The following LRP5 variants were observed in gnomAD, a reference collection of about 807,000 sequenced individuals.
The protein encoded by LRP5 is LDL receptor related protein 5.
A neutral mutation model predicts 154.1 loss-of-function variants in LRP5; 62 were observed. That is an observed-to-expected ratio of 0.40 (90% confidence interval 0.33 to 0.50). LRP5 has a LOEUF of 0.50. Ranked by LOEUF, LRP5 falls within the 20% of genes least tolerant of loss-of-function variation. The pLI, the probability that LRP5 is intolerant of heterozygous loss-of-function variation, is 0.55. For missense variants in LRP5, 1,915 were observed against 2,336.7 expected, an observed-to-expected ratio of 0.82 and a Z score of 3.72; for synonymous variants, 966 against 1,011.5, an observed-to-expected ratio of 0.96 and a Z score of 0.85.
At position 68,403,996 on chromosome 11, in the gene LRP5, G is replaced by A. The variant is rs115928312; in HGVS notation, c.1801+297G>A. ...GAGCCTTCGTGCCCACAGTGACCCC[G>A]TCTGCAAATGTAGTTCCTTGCCCTA... On this transcript the variant is annotated intron_variant, in intron 8 of 22. Transcript: ENST00000294304. 4.4e-3 allele frequency: 2,262 copies of A among 512,678 alleles called. 45 individuals carry two copies. The highest frequency in any genetic ancestry group is 0.039 in the African/African-American group (2,050 of 52,480). 31.8% of individuals were successfully genotyped at this position (512,678 alleles called of 1,614,324 possible). A position where few individuals can be genotyped will look rare whatever the true frequency, so the allele number is the denominator to read the frequency against.
At chr11:68,309,696 T>C (rs777472119), upstream of LRP5, among the ~76,000 whole-genome samples, 36 of 152,136 alleles carry the variant, frequency 2.4e-4, no homozygotes, top group Non-Finnish European at 4.6e-4. Context: ...GAAACCTGAC[T>C]TGAACTTTGG....
upstream of LRP5, among the ~76,000 whole-genome samples, chr11:68,308,335 C>T (rs1057029988): frequency 1.3e-5 from 2 of 152,194 alleles, no homozygotes; most frequent in African/African-American, 4.8e-5. Context: ...GGCACTTTGC[C>T]CAAGTGTCAC....
intron 18 of LRP5, among the ~76,000 whole-genome samples, chr11:68,435,375 G>A (rs918610494): frequency 2.6e-5 from 4 of 152,230 alleles, no homozygotes; most frequent in Non-Finnish European, 5.9e-5. Flanking sequence ...GGCAGCACCA[G>A]TATGGCACCC....
At chr11:68,403,782 GTGT>G in intron 8 of LRP5, 83 bp downstream of exon 8, 2 of 1,550,094 alleles carry the variant, frequency 1.3e-6, no homozygotes, top group Non-Finnish European at 1.8e-6. Context: ...CTGGGCATAA[GTGT>G]TGAGCTCAGG....
chr11:68,347,848 C>G lies in LRP5; in HGVS notation c.93C>G (p.Ala31=). Residue 31 remains alanine, a splice_region_variant and synonymous_variant, in exon 2 of 23, where the codon GCC becomes GCG. Transcript: ENST00000294304. The part of the protein sequence containing the change: ...ALCGCPAPAA[A]SPLLLFANRR... Reference sequence around the variant, plus strand: ...TCACGGTTTGCTTCTGCCCCACAGCCTCGCCGCTCCTGCTATTTGCCAACC... The same window carrying G: ...TCACGGTTTGCTTCTGCCCCACAGCGTCGCCGCTCCTGCTATTTGCCAACC... The G allele has an allele frequency of 1.2e-6, 2 of 1,613,224 alleles. No individual in the cohort carries two copies. Among genetic ancestry groups the G allele is most frequent in the South Asian group, 2.2e-5 (2 of 91,084 alleles).
At chr11:68,326,607 A>G (rs1017388463) in intron 1 of LRP5, among the ~76,000 whole-genome samples, 1 of 152,216 alleles carries the variant, frequency 6.6e-6, no homozygotes, top group Non-Finnish European at 1.5e-5. Flanking sequence ...TGTGCTCTCC[A>G]GTCTGTGGGC....
intron 5 of LRP5, among the ~76,000 whole-genome samples, chr11:68,370,194 C>T (rs963583874): frequency 2.0e-5 from 3 of 152,150 alleles, no homozygotes; most frequent in Admixed American, 1.3e-4. Context: ...TGCTGGCTCC[C>T]AGGGTTCTAA....
rs1206938449 is a variant in LRP5 at position 68,446,471 on chromosome 11, C to T, written c.4524C>T (p.Pro1508=). The change falls in exon 22 of 23, where the codon CCC becomes CCT. Residue 1508 remains proline, a synonymous_variant. Coordinates refer to ENST00000294304, the MANE Select transcript of LRP5 (RefSeq NM_002335.4). ...CGCCGCCCTCCCCGGCCACGGACCC[C>T]TCCCTGTACAACATGGACATGTTCT... ...LNPPPSPATD[P]SLYNMDMFYS... 32 of 1,614,190 alleles carry T rather than the reference C, an allele frequency of 2.0e-5. No homozygotes were observed. The highest frequency in any genetic ancestry group is 2.6e-5 in the Non-Finnish European group (31 of 1,180,018).
In LRP5 at chr11:68,433,530, G is replaced by A. The variant is rs200206364; in HGVS notation, c.3764-72G>A. 3,243 of 1,330,222 alleles carry A rather than the reference G, an allele frequency of 2.4e-3. 8 individuals carry two copies. The highest frequency in any genetic ancestry group is 3.2e-3 in the Non-Finnish European group (2,960 of 925,078). The allele number at this position is 1,330,222 out of a possible 1,614,324, so 82.4% of individuals were successfully genotyped here. A position where few individuals can be genotyped will look rare whatever the true frequency, so the allele number is the denominator to read the frequency against. ...AGTCCCTCTCAACTTCTGCTTTGAA[G>A]CCCAGTCACGCCATTGCCTGGGTTT... On this transcript the variant is annotated intron_variant, in intron 17 of 22. Coordinates refer to ENST00000294304, the MANE Select transcript of LRP5 (RefSeq NM_002335.4).
chr11:68,389,684 G>T (rs897400482), intron 6 of LRP5, among the ~76,000 whole-genome samples, 197 bp from the exon 7 acceptor site: 4 of 151,870 alleles, frequency 2.6e-5, no homozygotes, highest in African/African-American at 9.7e-5. Context: ...ATTTACCAAC[G>T]CCAGCATCTA....
intron 7 of LRP5, among the ~76,000 whole-genome samples, chr11:68,390,460 T>A (rs907147177): frequency 6.6e-6 from 1 of 152,262 alleles, no homozygotes; most frequent in Non-Finnish European, 1.5e-5. Flanking sequence ...CTGCCCTGCT[T>A]AAGACAGAAA....
upstream of LRP5, among the ~76,000 whole-genome samples, chr11:68,308,416 G>A (rs1263908325): frequency 6.6e-6 from 1 of 152,128 alleles, no homozygotes; most frequent in East Asian, 1.9e-4. Flanking sequence ...CTGAGCCCCT[G>A]TTACTTCATT....
intron 8 of LRP5, 61 bp from the exon 9 acceptor site, chr11:68,406,463 C>G (rs1460320725): frequency 1.9e-6 from 3 of 1,557,234 alleles, no homozygotes; most frequent in African/African-American, 2.7e-5. Context: ...GTGGCTTGGC[C>G]GCACCCCTTT....
chr11:68,402,968 G>A (rs192147801), intron 7 of LRP5, among the ~76,000 whole-genome samples: 4 of 152,192 alleles, frequency 2.6e-5, no homozygotes, highest in Non-Finnish European at 1.5e-5. Context: ...CATCATGGCC[G>A]GGCGCGGTGG....
chr11:68,441,865 A>G (rs972354348), intron 21 of LRP5, among the ~76,000 whole-genome samples: 1 of 152,248 alleles, frequency 6.6e-6, no homozygotes, highest in Non-Finnish European at 1.5e-5. Context: ...TCCTGCCCCT[A>G]AAAGAAACTC....
intron 1 of LRP5, among the ~76,000 whole-genome samples, chr11:68,338,134 G>A (rs74968229): frequency 0.045 from 6,829 of 152,276 alleles, 169 homozygotes; most frequent in Middle Eastern, 0.14. Flanking sequence ...GGCACTGGAC[G>A]CAGGATCATT....
Position 68,406,638 on chromosome 11 carries a change from C to A in LRP5, c.1916C>A (p.Thr639Asn). ...IGLELLSDMK[T>N]CIVPEAFLVF... is the part of the protein sequence containing the mutation. ...CTGGAGCTGCTGAGTGACATGAAGA[C>A]CTGCATCGTGCCTGAGGCCTTCTTG... is the stretch of plus-strand genomic sequence containing the variant. Residue 639 changes from threonine to asparagine, a missense_variant, in exon 9 of 23, where the codon ACC becomes AAC. Thr to Asn is a moderately conservative substitution (Grantham distance 65). Around this residue, in one of 3 missense-constraint regions of LRP5, gnomAD observed 773 missense variants for 1,100.9 expected, o/e 0.70. Coordinates refer to ENST00000294304, the MANE Select transcript of LRP5 (RefSeq NM_002335.4). The A allele has an allele frequency of 6.2e-7, 1 of 1,614,158 alleles. No individual in the cohort carries two copies. The highest frequency in any genetic ancestry group is 1.1e-5 in the South Asian group (1 of 91,086).
chr11:68,423,746 G>T lies in LRP5; in HGVS notation c.3236+49G>T, dbSNP rs765455646. The T allele has an allele frequency of 1.0e-5, 16 of 1,549,186 alleles. No individual in the cohort carries two copies. The Admixed American group carries it at 1.9e-4, about 18-fold the overall frequency. On this transcript the variant is annotated intron_variant, in intron 14 of 22. Coordinates refer to ENST00000294304, the MANE Select transcript of LRP5 (RefSeq NM_002335.4). This position sits in a 1 kb window ranked among gnomAD's most constrained non-coding sequence, Gnocchi z 4.7. ...GGGTGCTGCCCGTCCAGGCGTGCCC[G>T]CCGTGTCTTCTGCCGAATGCCAGCC...
At position 68,425,201 on chromosome 11, in the gene LRP5, C is replaced by G. The variant is rs558756869; in HGVS notation, c.3336C>G (p.Ile1112Met). ...EREVLFTTGL[I>M]RPVALVVDNT... ...AGGTCCTCTTCACCACCGGCCTCAT[C>G]CGCCCTGTGGCCCTGGTGGTGGACA... Residue 1112 changes from isoleucine to methionine, a missense_variant, in exon 15 of 23, where the codon ATC becomes ATG. Ile to Met is a conservative substitution (Grantham distance 10). Transcript: ENST00000294304. 1 of 1,613,590 alleles carries G rather than the reference C, an allele frequency of 6.2e-7. No individual in the cohort carries two copies. Among genetic ancestry groups the G allele is most frequent in the African/African-American group, 1.3e-5 (1 of 75,058 alleles).
Sources: gnomAD v4.1 joint callset for allele counts (sites outside exome capture counted in the v4.1 genomes callset) on GRCh38, gnomAD v4.1.1 for gene constraint, gnomAD v4.1.1 regional missense constraint, Gnocchi (gnomAD v3.1) non-coding constraint, MANE v1.5 for transcripts, NCBI Gene and HGNC (gene_info 2026-07-23, HGNC 2026-07-21) for gene names.